The following MTIF3 variants were observed in gnomAD, a reference collection of about 807,000 sequenced individuals.
MTIF3 encodes the protein mitochondrial translational initiation factor 3.
In MTIF3, 13 loss-of-function variants were observed where a neutral mutation model predicts 20.7. The observed-to-expected ratio is 0.63, with a 90% CI of 0.41 to 1.00. The LOEUF is 1.00. Among genes scored for constraint, MTIF3 ranks in the 50% least tolerant of loss-of-function variants. The pLI is 0.00. For missense variants in MTIF3, 295 were observed against 324.5 expected (o/e 0.91, Z 0.70); for synonymous variants, 114 against 112.5 (o/e 1.01, Z -0.08).
rs1953718539 is a variant in MTIF3, at chr13:27,435,807, A to G, written c.705T>C (p.Ala235=). 6.2e-7 allele frequency: 1 copy of G among 1,614,212 alleles called. No homozygotes were observed. The highest frequency in any genetic ancestry group is 1.7e-5 in the Admixed American group (1 of 60,030). ...TGAAAGCACGAAGAACACACATTAA[A>G]GCTTTTCCTCCTTGAACAGCTTGTG... ...SRPQAVQGGK[A]LMCVLRAFSK... Residue 235 remains alanine, a synonymous_variant, in exon 5 of 5, where the codon GCT becomes GCC. Transcript: ENST00000381120.
intron 1 of MTIF3, among the ~76,000 whole-genome samples, chr13:27,449,321 C>T (rs1002894261): frequency 5.3e-5 from 8 of 152,204 alleles, no homozygotes; most frequent in African/African-American, 1.7e-4. Context: ...AGTCTCCTAA[C>T]TCGGCTTGAG....
At chr13:27,438,360 T>G (rs1309999628) in intron 3 of MTIF3, among the ~76,000 whole-genome samples, 2 of 143,234 alleles carry the variant, frequency 1.4e-5, no homozygotes, top group African/African-American at 2.6e-5. Context: ...CATGGTGGTG[T>G]GCACCTGTGG....
chr13:27,448,760 G>C (rs1286377924), intron 1 of MTIF3, among the ~76,000 whole-genome samples: 2 of 152,194 alleles, frequency 1.3e-5, no homozygotes, highest in Non-Finnish European at 2.9e-5. Context: ...ACTTACGGCC[G>C]GGCACGGTGG....
rs61052475 is a variant in MTIF3, at chr13:27,438,483, GTTTTTTT to G, written c.461-1217_461-1211del. Among the ~76,000 whole-genome samples the G allele has an allele frequency of 7.9e-3, 842 of 107,122 alleles. 9 individuals carry two copies. Among genetic ancestry groups the G allele is most frequent in the Admixed American group, 0.01 (96 of 9,286 alleles). The allele number at this position is 107,122 out of a possible 152,430, so 70.3% of individuals were successfully genotyped here. A position where few individuals can be genotyped will look rare whatever the true frequency, so the allele number is the denominator to read the frequency against. On this transcript the variant is annotated intron_variant, in intron 3 of 4. Transcript: ENST00000381120. Reference sequence around the variant, plus strand: ...CCAGCCTGGGCAACAGAGCAAGACTGTTTTTTTTTTTTTTTTTTTTTTTTTTAAACAC... The same window carrying G: ...CCAGCCTGGGCAACAGAGCAAGACTGTTTTTTTTTTTTTTTTTTTAAACAC...
intron 3 of MTIF3, 39 bp downstream of exon 3, chr13:27,439,950 C>G: frequency 6.4e-7 from 1 of 1,566,092 alleles, no homozygotes; most frequent in Non-Finnish European, 8.8e-7. Context: ...TGATTTGTAG[C>G]TCTTAAAGGA....
chr13:27,444,271 C>T (rs748337214), intron 2 of MTIF3, among the ~76,000 whole-genome samples: 5 of 151,518 alleles, frequency 3.3e-5, no homozygotes, highest in Non-Finnish European at 7.4e-5. Context: ...CGCCACTGCA[C>T]TCCAGCCTGG....
chr13:27,438,489 T>TTTTTG (rs1953874059), intron 3 of MTIF3, among the ~76,000 whole-genome samples: 8 of 57,750 alleles, frequency 1.4e-4, no homozygotes, highest in Admixed American at 1.0e-3. Context: ...GACTGTTTTT[T>TTTTTG]TTTTTTTTTT....
At chr13:27,449,440 G>T (rs145979339) in intron 1 of MTIF3, among the ~76,000 whole-genome samples, 264 of 152,244 alleles carry the variant, frequency 1.7e-3, no homozygotes, top group African/African-American at 6.1e-3. Context: ...AGGCCAAAAG[G>T]CCCTTCCCAC....
chr13:27,450,088 A>G (rs1220840061), intron 1 of MTIF3: 2 of 152,280 alleles, frequency 1.3e-5, no homozygotes, highest in African/African-American at 4.8e-5. Flanking sequence ...AAGCCGCAAG[A>G]GCACTTCCGG....
chr13:27,445,842 G>A (rs1428875577), intron 1 of MTIF3, among the ~76,000 whole-genome samples: 1 of 151,892 alleles, frequency 6.6e-6, no homozygotes, highest in Non-Finnish European at 1.5e-5. Context: ...GATGCCACAA[G>A]GAAACAATCT....
intron 1 of MTIF3, among the ~76,000 whole-genome samples, chr13:27,448,100 C>A (rs534752962): frequency 8.6e-6 from 1 of 115,942 alleles, no homozygotes; most frequent in Admixed American, 1.3e-4. Flanking sequence ...AGGGAAACTT[C>A]CTGGAACATG....
chr13:27,444,313 C>T (rs1455816999), intron 2 of MTIF3, among the ~76,000 whole-genome samples: 2 of 143,168 alleles, frequency 1.4e-5, no homozygotes, highest in African/African-American at 5.2e-5. Context: ...TCAAAAAAAA[C>T]GAAAAAAAAA....
chr13:27,437,628 C>G (rs145574228), intron 3 of MTIF3, among the ~76,000 whole-genome samples: 5 of 152,320 alleles, frequency 3.3e-5, no homozygotes, highest in African/African-American at 1.2e-4. Flanking sequence ...GCACTACCCA[C>G]TCCTTTTGAG....
chr13:27,441,456 T>C (rs1203049020), intron 2 of MTIF3, among the ~76,000 whole-genome samples: 2 of 152,206 alleles, frequency 1.3e-5, no homozygotes, highest in Non-Finnish European at 1.5e-5. Flanking sequence ...CACTGTGACA[T>C]AAATCAAAGT....
intron 3 of MTIF3, among the ~76,000 whole-genome samples, chr13:27,437,624 C>T (rs1040380715): frequency 1.3e-5 from 2 of 152,148 alleles, no homozygotes; most frequent in African/African-American, 4.8e-5. Context: ...GAGTGCACTA[C>T]CCACTCCTTT....
chr13:27,447,262 A>G (rs907381172), intron 1 of MTIF3, among the ~76,000 whole-genome samples: 2 of 149,358 alleles, frequency 1.3e-5, no homozygotes, highest in African/African-American at 4.9e-5. Context: ...AGTGGGGTCA[A>G]GGGTAGTTTG....
rs543683454 is a variant in MTIF3, at chr13:27,448,411, A to G, written c.-71+2098T>C. Among the ~76,000 whole-genome samples, 5 of 152,314 alleles carry G rather than the reference A, an allele frequency of 3.3e-5. No homozygotes were observed. The East Asian group carries it at 5.8e-4, about 18-fold the overall frequency. ...TTTACACCTTCCAAAGAAGTTTCAT[A>G]AAGTCCTTGCTTCTGCCTGCAAACT... On this transcript the variant is annotated intron_variant, in intron 1 of 4. Transcript: ENST00000381120.
chr13:27,440,397 T>C lies in MTIF3; in HGVS notation c.52A>G (p.Asn18Asp). The change falls in exon 3 of 5, where the codon AAT becomes GAT. Residue 18 changes from asparagine (N) to aspartate (D), a missense_variant. Coordinates refer to ENST00000381120, the MANE Select transcript of MTIF3 (RefSeq NM_152912.5). ...TTACCAAAACATCTAATGCAACTAT[T>C]TTCAGACTTTACAGTTTGTAGTGTT... is the stretch of plus-strand genomic sequence containing the variant. ...RLTLQTVKSENSCIRCFGKHI... is the reference protein window; with the variant it reads ...RLTLQTVKSEDSCIRCFGKHI... 6.2e-7 allele frequency: 1 copy of C among 1,614,094 alleles called. No homozygotes were observed. Among genetic ancestry groups the C allele is most frequent in the Non-Finnish European group, 8.5e-7 (1 of 1,179,980 alleles).
chr13:27,450,411 G>A (rs546386118), intron 1 of MTIF3, 98 bp downstream of exon 1: 39 of 152,398 alleles, frequency 2.6e-4, no homozygotes, highest in African/African-American at 8.9e-4. Context: ...GGGTAGCCCT[G>A]ACCTTCCGGG....
Sources: allele counts gnomAD v4.1 joint callset (sites outside exome capture counted in the v4.1 genomes callset), GRCh38; gene constraint gnomAD v4.1.1; transcripts MANE v1.5; gene names NCBI Gene and HGNC (gene_info 2026-07-23, HGNC 2026-07-21).